The following ZBTB49 variants were observed in gnomAD, a reference collection of about 807,000 sequenced individuals.
The protein encoded by ZBTB49 is zinc finger and BTB domain-containing protein 49.
In ZBTB49, 43 loss-of-function variants were observed where a neutral mutation model predicts 57.5. That is an observed-to-expected ratio of 0.75 (90% confidence interval 0.59 to 0.97). ZBTB49 has a LOEUF of 0.97. ZBTB49 is among the 50% of genes least tolerant of loss of function. ZBTB49 has a pLI of 0.00. For synonymous variants in ZBTB49, 369 were observed against 362.1 expected, an observed-to-expected ratio of 1.02 and a Z score of -0.22; for missense variants, 938 against 947.7, an observed-to-expected ratio of 0.99 and a Z score of 0.13.
At chr4:4,312,588 C>G (rs1358109153) in intron 4 of ZBTB49, among the ~76,000 whole-genome samples, 2 of 152,130 alleles carry the variant, frequency 1.3e-5, no homozygotes, top group Non-Finnish European at 2.9e-5. Context: ...GTCTTCCCTT[C>G]TTTATGAACA....
intron 5 of ZBTB49, among the ~76,000 whole-genome samples, chr4:4,313,480 G>A (rs2920206): frequency 0.4 from 60,817 of 151,936 alleles, 14,073 homozygotes; most frequent in Middle Eastern, 0.54. Context: ...GGACTTGGCA[G>A]CTGAGTGACT....
At chr4:4,299,380 T>C (rs2108873477) in intron 1 of ZBTB49, among the ~76,000 whole-genome samples, 1 of 151,108 alleles carries the variant, frequency 6.6e-6, no homozygotes. Context: ...CTGTACCTTA[T>C]CTCCCAAAAT....
In ZBTB49 at chr4:4,299,794, TGTGTGTGTGTGTGTGTGAGAGA is replaced by T. The variant is rs1720393255; in HGVS notation, c.-19-131_-19-110del. The stretch of plus-strand genomic sequence containing the variant: ...AAACAGAGGTGTGTGTGTGTGTGTG[TGTGTGTGTGTGTGTGTGAGAGA>T]GAAACTGTGATGAGAGAGTGAAGCA... On this transcript the variant is annotated intron_variant, in intron 1 of 7. Transcript: ENST00000337872. 3.9e-4 allele frequency: 278 copies of T among 707,112 alleles called. 6 individuals are homozygous for T. In the South Asian group the frequency reaches 4.9e-3, roughly 12 times the overall value. 43.8% of individuals were successfully genotyped at this position (707,112 alleles called of 1,614,324 possible). A position where few individuals can be genotyped will look rare whatever the true frequency, so the allele number is the denominator to read the frequency against.
At chr4:4,313,662 G>T (rs757375381) in intron 5 of ZBTB49, among the ~76,000 whole-genome samples, 1 of 152,120 alleles carries the variant, frequency 6.6e-6, no homozygotes, top group Non-Finnish European at 1.5e-5. Flanking sequence ...GTGGCAGCTC[G>T]ATTCCTCTGC....
rs1721421129 is a variant in ZBTB49, at chr4:4,321,592, A to G, written c.*276A>G. 2.0e-6 allele frequency: 1 copy of G among 508,352 alleles called. No individual in the cohort carries two copies. The highest frequency in any genetic ancestry group is 3.5e-5 in the East Asian group (1 of 28,338). The allele number at this position is 508,352 out of a possible 1,614,324, so 31.5% of individuals were successfully genotyped here. A position where few individuals can be genotyped will look rare whatever the true frequency, so the allele number is the denominator to read the frequency against. ...TCAGCAGCCTCAGCTGTGGGGGGGAAGCGCGTGTGCATCGTGTCAACTACT... is the reference window on the plus strand; with the variant it reads ...TCAGCAGCCTCAGCTGTGGGGGGGAGGCGCGTGTGCATCGTGTCAACTACT... On this transcript the variant is annotated 3_prime_UTR_variant, in exon 8 of 8. Transcript: ENST00000337872.
chr4:4,303,760 C>CTCTCTCTCTGTGTGTGTGTG lies in ZBTB49; in HGVS notation c.1255+670_1255+671insCTCTCTCTGTGTGTGTGTGT, dbSNP rs1223289249. ...TCTCTCTCTCTCTCTCTCTCTCTCTCTGTGTGTGTGTCTCTCTCTCTCTCT... is the reference window on the plus strand; with the variant it reads ...TCTCTCTCTCTCTCTCTCTCTCTCTCTCTCTCTCTGTGTGTGTGTGTGTGTGTGTGTCTCTCTCTCTCTCT... On this transcript the variant is annotated intron_variant, in intron 3 of 7. Coordinates refer to ENST00000337872, the MANE Select transcript of ZBTB49 (RefSeq NM_145291.4). Among the ~76,000 whole-genome samples, 507 of 121,350 alleles carry CTCTCTCTCTGTGTGTGTGTG rather than the reference C, an allele frequency of 4.2e-3. 12 individuals carry two copies. Among genetic ancestry groups the CTCTCTCTCTGTGTGTGTGTG allele is most frequent in the Middle Eastern group, 0.014 (3 of 214 alleles). 79.6% of individuals were successfully genotyped at this position (121,350 alleles called of 152,430 possible).
chr4:4,303,726 T>TTC (rs148456390), intron 3 of ZBTB49, among the ~76,000 whole-genome samples: 3,000 of 121,778 alleles, frequency 0.025, 64 homozygotes, highest in South Asian at 0.041. Flanking sequence ...TTTTAAGGTA[T>TTC]TCTCTCTCTC....
intron 3 of ZBTB49, among the ~76,000 whole-genome samples, chr4:4,305,222 T>G (rs1243724173): frequency 6.6e-6 from 1 of 151,998 alleles, no homozygotes. Flanking sequence ...CAGGATAAAA[T>G]AAAATTAAAA....
At chr4:4,316,899 G>A (rs1327667242) in intron 7 of ZBTB49, among the ~76,000 whole-genome samples, 1 of 152,214 alleles carries the variant, frequency 6.6e-6, no homozygotes, top group Non-Finnish European at 1.5e-5. Flanking sequence ...GGAGCCTACT[G>A]TGGTGGCGTT....
At chr4:4,299,303 G>A (rs892762279) in intron 1 of ZBTB49, among the ~76,000 whole-genome samples, 5 of 152,170 alleles carry the variant, frequency 3.3e-5, no homozygotes, top group African/African-American at 9.7e-5. Flanking sequence ...ACAAAGGCAC[G>A]AGTGAGGGGA....
At chr4:4,294,745 T>C (rs933938969) in intron 1 of ZBTB49, among the ~76,000 whole-genome samples, 26 of 152,186 alleles carry the variant, frequency 1.7e-4, no homozygotes, top group African/African-American at 6.0e-4. Context: ...CTTTTTCCTT[T>C]ATCACTTCTA....
chr4:4,315,916 G>A lies in ZBTB49; in HGVS notation c.1567G>A (p.Val523Ile). ...GKSFNMQRKL[V>I]KHRIRHTGER... Reference sequence around the variant, plus strand: ...GTCTTTTAATATGCAAAGGAAGTTAGTAAAGCACAGAATTCGGCACACGGG... The same window carrying A: ...GTCTTTTAATATGCAAAGGAAGTTAATAAAGCACAGAATTCGGCACACGGG... The change falls in exon 7 of 8, where the codon GTA (valine) becomes ATA (isoleucine). Residue 523 changes from valine (V) to isoleucine (I), a missense_variant. Physicochemically the swap from Val to Ile is conservative, Grantham distance 29 (BLOSUM62 3). Transcript: ENST00000337872. 1 of 1,614,194 alleles carries A rather than the reference G, an allele frequency of 6.2e-7. No homozygotes were observed.
chr4:4,311,507 G>T (rs921640441), intron 4 of ZBTB49, among the ~76,000 whole-genome samples: 15 of 152,216 alleles, frequency 9.9e-5, no homozygotes, highest in Non-Finnish European at 1.9e-4. Context: ...ATAGAAACTT[G>T]TGTTTCCTCA....
chr4:4,311,433 G>T (rs1720976433), intron 4 of ZBTB49, among the ~76,000 whole-genome samples: 1 of 152,200 alleles, frequency 6.6e-6, no homozygotes, highest in African/African-American at 2.4e-5. Flanking sequence ...TAACTCTCCA[G>T]TATGTGTTTC....
chr4:4,306,100 G>C (rs1178996083), intron 3 of ZBTB49, 38 bp from the exon 4 acceptor site: 1 of 1,592,190 alleles, frequency 6.3e-7, no homozygotes, highest in East Asian at 2.2e-5. Context: ...ACAAATACTA[G>C]TAATGATTTT....
At chr4:4,296,248 G>A (rs1382014825) in intron 1 of ZBTB49, among the ~76,000 whole-genome samples, 2 of 152,360 alleles carry the variant, frequency 1.3e-5, no homozygotes, top group South Asian at 2.1e-4. Context: ...AAAAGTCACT[G>A]TCGGGAAAGT....
rs1720517768 is a variant in ZBTB49, at chr4:4,302,311, G to A, written c.475G>A (p.Glu159Lys). The change falls in exon 3 of 8, where the codon GAA becomes AAA. Residue 159 changes from glutamate to lysine, a missense_variant. Coordinates refer to ENST00000337872, the MANE Select transcript of ZBTB49 (RefSeq NM_145291.4). ...SENYPPHLLQ[E>K]CSADAQQNKT... ...AAACTACCCCCCTCATTTACTGCAG[G>A]AATGTTCAGCAGATGCACAGCAGAA... 1 of 1,614,014 alleles carries A rather than the reference G, an allele frequency of 6.2e-7. No homozygotes were observed. The highest frequency in any genetic ancestry group is 1.1e-5 in the South Asian group (1 of 91,084).
At position 4,311,387 on chromosome 4, in the gene ZBTB49, G is replaced by A. The variant is rs532597353; in HGVS notation, c.1303-1654G>A. The stretch of plus-strand genomic sequence containing the variant: ...CAACTGATCAGCTTTTCTGAAATTT[G>A]CAAGTGACTAATTTAAAACACTGGT... On this transcript the variant is annotated intron_variant, in intron 4 of 7. Coordinates refer to ENST00000337872, the MANE Select transcript of ZBTB49 (RefSeq NM_145291.4). 1.2e-4 allele frequency among the ~76,000 whole-genome samples: 19 copies of A among 152,300 alleles called. No individual in the cohort carries two copies. In the South Asian group the frequency reaches 3.7e-3, roughly 30 times the overall value.
At chr4:4,306,875 G>T (rs979829215) in intron 4 of ZBTB49, among the ~76,000 whole-genome samples, 3 of 152,254 alleles carry the variant, frequency 2.0e-5, no homozygotes, top group African/African-American at 7.2e-5. Context: ...AGGGCGTGAG[G>T]GCGCAGCTCT....
Sources: allele counts gnomAD v4.1 joint callset (sites outside exome capture counted in the v4.1 genomes callset), GRCh38; gene constraint gnomAD v4.1.1; transcripts MANE v1.5; gene names NCBI Gene and HGNC (gene_info 2026-07-23, HGNC 2026-07-21).